RABGAP1: variants seen among roughly 807,000 people sequenced by gnomAD.
RABGAP1 encodes the protein RAB GTPase activating protein 1, also known as rab GTPase-activating protein 1.
Under a neutral mutation model 137.6 loss-of-function variants are expected in RABGAP1, and 23 were observed. The observed-to-expected ratio is 0.17, with a 90% CI of 0.12 to 0.24. The LOEUF (loss-of-function observed/expected upper bound fraction) is 0.24, where lower values mean the gene tolerates loss of function less well. RABGAP1 is among the 10% of genes least tolerant of loss of function. The pLI, the probability that RABGAP1 is intolerant of heterozygous loss-of-function variation, is 1.00. For missense variants in RABGAP1, 906 were observed against 1,275.8 expected, an observed-to-expected ratio of 0.71 and a Z score of 4.42; for synonymous variants, 451 against 450.7, an observed-to-expected ratio of 1.00 and a Z score of -0.01.
At chr9:123,064,113 A>G (rs2034087003) in intron 13 of RABGAP1, among the ~76,000 whole-genome samples, 1 of 151,752 alleles carries the variant, frequency 6.6e-6, no homozygotes, top group Non-Finnish European at 1.5e-5. Flanking sequence ...TCTCTCTCCC[A>G]CTTTCTCAAC....
chr9:123,034,858 G>A, intron 13 of RABGAP1: 1 of 1,614,074 alleles, frequency 6.2e-7, no homozygotes, highest in Non-Finnish European at 8.5e-7. Context: ...TCCAGTAGAG[G>A]AGTCCTTGAC....
In RABGAP1 at chr9:122,987,365, C is replaced by T. The variant is rs867982004; in HGVS notation, c.590+946C>T. Among the ~76,000 whole-genome samples, 5 of 152,076 alleles carry T rather than the reference C, an allele frequency of 3.3e-5. No homozygotes were observed. The South Asian group carries it at 8.3e-4, about 25-fold the overall frequency. On this transcript the variant is annotated intron_variant, in intron 4 of 25. Coordinates refer to ENST00000373647, the MANE Select transcript of RABGAP1 (RefSeq NM_012197.4). Reference sequence around the variant, plus strand: ...AAAAAAATTGCCACATAAAAATAGCCTTAATTCTACTCTACCACTAATAAA... The same window carrying T: ...AAAAAAATTGCCACATAAAAATAGCTTTAATTCTACTCTACCACTAATAAA...
At chr9:123,056,041 A>T (rs1284916499) in intron 13 of RABGAP1, among the ~76,000 whole-genome samples, 1 of 152,182 alleles carries the variant, frequency 6.6e-6, no homozygotes, top group Non-Finnish European at 1.5e-5. Flanking sequence ...GTTCCAGGCT[A>T]TCTGCCCTGG....
intron 2 of RABGAP1, among the ~76,000 whole-genome samples, chr9:122,961,430 A>G (rs542224007): frequency 9.2e-5 from 14 of 152,348 alleles, no homozygotes; most frequent in South Asian, 4.1e-4. Flanking sequence ...CAGCAAAGCT[A>G]TTATTCAAAA....
intron 13 of RABGAP1, chr9:123,035,568 C>G: frequency 1.2e-6 from 2 of 1,609,682 alleles, no homozygotes; most frequent in Non-Finnish European, 1.7e-6. Context: ...CAGCCAACGA[C>G]CCTTACACAG....
At chr9:123,053,078 C>T (rs1016545424) in intron 13 of RABGAP1, among the ~76,000 whole-genome samples, 1 of 152,196 alleles carries the variant, frequency 6.6e-6, no homozygotes, top group African/African-American at 2.4e-5. Context: ...TCTTGTGAGG[C>T]ATTCCTTAGA....
At chr9:123,019,064 G>A (rs78527505) in intron 12 of RABGAP1, among the ~76,000 whole-genome samples, 2,418 of 152,232 alleles carry the variant, frequency 0.016, 36 homozygotes, top group South Asian at 0.066. Flanking sequence ...TGTTCTGAAG[G>A]TCAAATAAGA....
At chr9:123,068,348 C>CA (rs998962006) in intron 14 of RABGAP1, among the ~76,000 whole-genome samples, 2,290 of 66,000 alleles carry the variant, frequency 0.035, 37 homozygotes, top group South Asian at 0.06. Flanking sequence ...GACTCCATCT[C>CA]AAAAAAAAAA....
chr9:123,056,508 T>A (rs1278286638), intron 13 of RABGAP1, among the ~76,000 whole-genome samples: 2 of 149,168 alleles, frequency 1.3e-5, no homozygotes, highest in African/African-American at 4.9e-5. Context: ...TAATTGATCA[T>A]TCTTGGGTGT....
chr9:123,032,800 TATA>T (rs1031902039), intron 13 of RABGAP1, among the ~76,000 whole-genome samples: 3 of 152,182 alleles, frequency 2.0e-5, no homozygotes, highest in Admixed American at 6.5e-5. Flanking sequence ...AAAACCACAA[TATA>T]ATATGATACA....
chr9:122,942,844 A>C (rs1313735983), intron 1 of RABGAP1, among the ~76,000 whole-genome samples: 4 of 151,996 alleles, frequency 2.6e-5, no homozygotes, highest in Admixed American at 6.6e-5. Flanking sequence ...ACTCAGATTC[A>C]TAATTAAAGT....
chr9:123,075,007 A>G (rs964875782), intron 17 of RABGAP1, among the ~76,000 whole-genome samples: 7 of 152,238 alleles, frequency 4.6e-5, no homozygotes, highest in Non-Finnish European at 7.3e-5. Flanking sequence ...TTAGAGATTT[A>G]TTACTAAAGA....
rs897227175 is a variant in RABGAP1, at chr9:122,996,143, C to T, written c.1026C>T (p.Ala342=). 16 of 1,602,046 alleles carry T rather than the reference C, an allele frequency of 1.0e-5. No individual in the cohort carries two copies. Among genetic ancestry groups the T allele is most frequent in the Non-Finnish European group, 1.3e-5 (15 of 1,177,060 alleles). Reference sequence around the variant, plus strand: ...AGCAAACAACTAATAAAGAACTTGCCATTGAAAGGTAAGCATTTTTAGTAA... The same window carrying T: ...AGCAAACAACTAATAAAGAACTTGCTATTGAAAGGTAAGCATTTTTAGTAA... The part of the protein sequence containing the change: ...YVQQTTNKEL[A]IERCFGLLLS... Residue 342 remains alanine, a synonymous_variant, in exon 7 of 26, where the codon GCC becomes GCT. Transcript: ENST00000373647.
intron 2 of RABGAP1, among the ~76,000 whole-genome samples, chr9:122,971,190 G>A (rs1259100808): frequency 1.3e-5 from 2 of 152,182 alleles, no homozygotes; most frequent in African/African-American, 4.8e-5. Context: ...AGAACATAAG[G>A]AAACTTACAT....
chr9:122,991,720 G>A (rs796156975), intron 6 of RABGAP1, among the ~76,000 whole-genome samples: 21 of 150,646 alleles, frequency 1.4e-4, no homozygotes, highest in African/African-American at 4.9e-4. Context: ...CTCCCACCTC[G>A]CCCTCCTGAG....
At chr9:123,089,361 G>A (rs1409426635) in intron 19 of RABGAP1, among the ~76,000 whole-genome samples, 1 of 152,140 alleles carries the variant, frequency 6.6e-6, no homozygotes, top group African/African-American at 2.4e-5. Flanking sequence ...ATAAGATGAG[G>A]ATGAGAATAG....
intron 13 of RABGAP1, 94 bp from the exon 14 acceptor site, chr9:123,065,254 T>C: frequency 1.1e-6 from 1 of 879,384 alleles, no homozygotes; most frequent in South Asian, 1.6e-5. Flanking sequence ...CCTGCAACAT[T>C]TAAAGTGTGT....
intron 22 of RABGAP1, 141 bp downstream of exon 22, chr9:123,097,986 G>T (rs1255853289): frequency 9.2e-6 from 6 of 654,450 alleles, no homozygotes; most frequent in East Asian, 8.6e-5. Flanking sequence ...TCCCCCTACT[G>T]TGTAAAGTCC....
At chr9:122,948,353 A>G (rs1834050232) in intron 1 of RABGAP1, among the ~76,000 whole-genome samples, 1 of 152,168 alleles carries the variant, frequency 6.6e-6, no homozygotes, top group Non-Finnish European at 1.5e-5. Flanking sequence ...GATGCAATCC[A>G]GAAAAGAACA....
Sources: gnomAD v4.1 joint callset for allele counts (sites outside exome capture counted in the v4.1 genomes callset) on GRCh38, gnomAD v4.1.1 for gene constraint, MANE v1.5 for transcripts, NCBI Gene and HGNC (gene_info 2026-07-23, HGNC 2026-07-21) for gene names.